The following PTPRN2 variants were observed in gnomAD, a reference collection of about 807,000 sequenced individuals.
The protein encoded by PTPRN2 is protein tyrosine phosphatase receptor type N2, also known as receptor-type tyrosine-protein phosphatase N2.
PTPRN2 carries 74 observed loss-of-function variants against 118.8 expected under a neutral mutation model. The ratio of observed to expected loss-of-function variants is 0.62; its 90% CI spans 0.52 to 0.76. The LOEUF is 0.76. PTPRN2 is among the 30% of genes least tolerant of loss of function. The pLI is 0.00. For missense variants in PTPRN2, 1,481 were observed against 1,394.4 expected (o/e 1.06, Z -0.99); for synonymous variants, 641 against 608.0 (o/e 1.05, Z -0.80).
At chr7:158,522,332 G>A (rs866820845) in intron 1 of PTPRN2, among the ~76,000 whole-genome samples, 12 of 116,088 alleles carry the variant, frequency 1.0e-4, no homozygotes, top group African/African-American at 1.4e-4. Flanking sequence ...GCTCGGGAGG[G>A]AGGTCCACGT....
intron 11 of PTPRN2, among the ~76,000 whole-genome samples, chr7:157,959,152 G>T (rs1414876984): frequency 6.6e-6 from 1 of 152,164 alleles, no homozygotes; most frequent in African/African-American, 2.4e-5. Context: ...TTCAACAAAT[G>T]GTTCTCAGAC....
At chr7:157,586,770 T>A (rs1211311927) in intron 17 of PTPRN2, among the ~76,000 whole-genome samples, 1 of 152,102 alleles carries the variant, frequency 6.6e-6, no homozygotes, top group African/African-American at 2.4e-5. Context: ...TGTTGGACAC[T>A]CGGTCTGTCC....
chr7:157,721,937 G>A (rs1585305628), intron 12 of PTPRN2, among the ~76,000 whole-genome samples: 1 of 152,226 alleles, frequency 6.6e-6, no homozygotes, highest in African/African-American at 2.4e-5. Flanking sequence ...CTTCAAACGA[G>A]AACACTTCAT....
intron 14 of PTPRN2, among the ~76,000 whole-genome samples, chr7:157,637,579 C>G (rs766300250): frequency 6.6e-6 from 1 of 152,192 alleles, no homozygotes. Context: ...CACCTCTCCC[C>G]ACCCTGATGG....
intron 11 of PTPRN2, among the ~76,000 whole-genome samples, chr7:157,945,603 C>G (rs990793448): frequency 3.3e-5 from 5 of 151,704 alleles, no homozygotes; most frequent in African/African-American, 1.2e-4. Context: ...GTCGCCTCCA[C>G]CTCAGACAAT....
chr7:158,130,740 C>CTG (rs1818138832), intron 9 of PTPRN2, among the ~76,000 whole-genome samples: 2 of 143,942 alleles, frequency 1.4e-5, no homozygotes, highest in South Asian at 4.5e-4. Flanking sequence ...ACGCACAAAC[C>CTG]AATACACATC....
chr7:157,660,793 C>G (rs1230817557), intron 13 of PTPRN2, among the ~76,000 whole-genome samples: 3 of 152,164 alleles, frequency 2.0e-5, no homozygotes, highest in Non-Finnish European at 4.4e-5. Flanking sequence ...CTCGCTCTGT[C>G]GCCCAGGCTG....
intron 11 of PTPRN2, among the ~76,000 whole-genome samples, chr7:158,050,459 A>G (rs557278222): frequency 7.2e-5 from 11 of 151,810 alleles, no homozygotes; most frequent in African/African-American, 2.4e-4. Flanking sequence ...CCTCAAGCCA[A>G]CTCCCTCTGG....
At chr7:158,228,944 T>C (rs1828993800) in intron 3 of PTPRN2, among the ~76,000 whole-genome samples, 1 of 152,056 alleles carries the variant, frequency 6.6e-6, no homozygotes, top group Non-Finnish European at 1.5e-5. Flanking sequence ...AACTCTACTC[T>C]GCAACTCGGT....
At chr7:157,900,657 T>C (rs1797387344) in intron 11 of PTPRN2, among the ~76,000 whole-genome samples, 1 of 152,208 alleles carries the variant, frequency 6.6e-6, no homozygotes, top group East Asian at 1.9e-4. Context: ...AGCTCCTCAG[T>C]CTGACGAAAA....
rs1042015212 is a variant in PTPRN2, at chr7:158,187,502, G to A, written c.549+4825C>T. Among the ~76,000 whole-genome samples the A allele has an allele frequency of 7.2e-5, 11 of 152,248 alleles. 1 individual carries two copies. The highest frequency in any genetic ancestry group is 1.7e-4 in the African/African-American group (7 of 41,536). The stretch of plus-strand genomic sequence containing the variant: ...ATTTACGGGGCAGCAAAATCTGCAC[G>A]GCAGCGCTGCAGCCTCTGGTCACGC... On this transcript the variant is annotated intron_variant, in intron 5 of 22. Coordinates refer to ENST00000389418, the MANE Select transcript of PTPRN2 (RefSeq NM_002847.5).
chr7:157,796,057 A>C (rs1001697090), intron 12 of PTPRN2, among the ~76,000 whole-genome samples: 2 of 152,238 alleles, frequency 1.3e-5, no homozygotes, highest in Non-Finnish European at 2.9e-5. Flanking sequence ...AACAGCAAAT[A>C]AACACACGCG....
At chr7:158,126,941 C>G (rs1817735992) in intron 9 of PTPRN2, among the ~76,000 whole-genome samples, 1 of 152,334 alleles carries the variant, frequency 6.6e-6, no homozygotes, top group East Asian at 1.9e-4. Context: ...CAACTGAACC[C>G]CCACAGAGGT....
At chr7:158,401,269 G>A (rs1031516490) in intron 2 of PTPRN2, among the ~76,000 whole-genome samples, 6 of 152,226 alleles carry the variant, frequency 3.9e-5, no homozygotes, top group African/African-American at 1.2e-4. Flanking sequence ...CCATCCCCTC[G>A]TTTGTTATTT....
chr7:158,413,487 G>T (rs1814371479), intron 2 of PTPRN2, among the ~76,000 whole-genome samples: 1 of 152,228 alleles, frequency 6.6e-6, no homozygotes, highest in African/African-American at 2.4e-5. Context: ...TAGGAAACTG[G>T]CCACTGTCCA....
Position 158,205,152 on chromosome 7 carries a change from A to G in PTPRN2, c.380+19T>C, listed in dbSNP as rs1827021580. On this transcript the variant is annotated intron_variant, in intron 4 of 22. Coordinates refer to ENST00000389418, the MANE Select transcript of PTPRN2 (RefSeq NM_002847.5). The stretch of plus-strand genomic sequence containing the variant: ...CTGTGTCCTGGGAGCAAGGAGCAAC[A>G]AGCCACGTCCACACTTACCTGGCTG... 6.3e-7 allele frequency: 1 copy of G among 1,590,334 alleles called. No homozygotes were observed. The highest frequency in any genetic ancestry group is 8.6e-7 in the Non-Finnish European group (1 of 1,158,466).
At chr7:158,070,995 G>A (rs1366997770) in intron 11 of PTPRN2, among the ~76,000 whole-genome samples, 1 of 120,090 alleles carries the variant, frequency 8.3e-6, no homozygotes, top group Non-Finnish European at 1.7e-5. Context: ...GGTGGTGGAG[G>A]TGCTCATGGT....
chr7:157,704,650 C>G (rs1168791235), intron 12 of PTPRN2, among the ~76,000 whole-genome samples: 1 of 152,150 alleles, frequency 6.6e-6, no homozygotes, highest in Non-Finnish European at 1.5e-5. Context: ...CTCAGGTGTT[C>G]CCTTTCTTTC....
intron 1 of PTPRN2, among the ~76,000 whole-genome samples, chr7:158,519,487 C>G (rs890508088): frequency 2.6e-5 from 4 of 152,178 alleles, no homozygotes; most frequent in African/African-American, 9.7e-5. Flanking sequence ...CATGGGGGAC[C>G]AAGCTGTGTT....
Sources: gnomAD v4.1 joint callset for allele counts (sites outside exome capture counted in the v4.1 genomes callset) on GRCh38, gnomAD v4.1.1 for gene constraint, MANE v1.5 for transcripts, NCBI Gene and HGNC (gene_info 2026-07-23, HGNC 2026-07-21) for gene names.